Variants in RBFOX3 observed in about 807,000 individuals in gnomAD.
RBFOX3 encodes RNA binding fox-1 homolog 3.
Under a neutral mutation model 48.7 loss-of-function variants are expected in RBFOX3, and 17 were observed. The observed-to-expected ratio is 0.35, with a 90% CI of 0.24 to 0.52. The LOEUF (loss-of-function observed/expected upper bound fraction) is 0.52. RBFOX3 is among the 20% of genes least tolerant of loss of function. The probability of loss-of-function intolerance (pLI) is 0.94; values close to 1 mark genes in which losing one functional copy is unlikely to be tolerated. For synonymous variants in RBFOX3, 212 were observed against 209.5 expected (o/e 1.01, Z -0.10); for missense variants, 382 against 497.5 (o/e 0.77, Z 2.21).
intron 1 of RBFOX3, among the ~76,000 whole-genome samples, chr17:79,561,098 C>A (rs1183332455): frequency 5.3e-5 from 8 of 152,198 alleles, no homozygotes; most frequent in Non-Finnish European, 1.0e-4. Context: ...ATAGACCTTG[C>A]ACTACAGTGA....
chr17:79,282,429 C>T (rs550596221), intron 3 of RBFOX3, among the ~76,000 whole-genome samples: 15 of 152,290 alleles, frequency 9.8e-5, no homozygotes, highest in African/African-American at 3.6e-4. Flanking sequence ...TAATTTCATT[C>T]GGAATGAAAA....
At chr17:79,237,956 A>G (rs1472871482) in intron 3 of RBFOX3, among the ~76,000 whole-genome samples, 1 of 152,080 alleles carries the variant, frequency 6.6e-6, no homozygotes, top group Non-Finnish European at 1.5e-5. Context: ...TCTATTTTTG[A>G]GACAGACTCT....
chr17:79,541,568 G>A (rs1555790342), intron 1 of RBFOX3, among the ~76,000 whole-genome samples: 3 of 152,184 alleles, frequency 2.0e-5, no homozygotes, highest in South Asian at 2.1e-4. Context: ...CAAGAACAGC[G>A]GAAGGGACAC....
chr17:79,518,529 G>A (rs997196149), intron 1 of RBFOX3, among the ~76,000 whole-genome samples: 55 of 152,352 alleles, frequency 3.6e-4, no homozygotes, highest in Middle Eastern at 3.4e-3. Flanking sequence ...TCATACCCAC[G>A]TGGGGGAAAC....
At chr17:79,106,127 C>T (rs1392652221) in intron 6 of RBFOX3, among the ~76,000 whole-genome samples, 1 of 152,110 alleles carries the variant, frequency 6.6e-6, no homozygotes, top group Non-Finnish European at 1.5e-5. Flanking sequence ...AGTTCCCCAC[C>T]TGGGGGCCCG....
chr17:79,125,777 T>C (rs1442864071), intron 4 of RBFOX3, among the ~76,000 whole-genome samples: 7 of 152,112 alleles, frequency 4.6e-5, no homozygotes, highest in Admixed American at 1.3e-4. Context: ...GGAGTGAGGC[T>C]GGTGGCGAGG....
At chr17:79,144,036 G>A (rs56331879) in intron 4 of RBFOX3, among the ~76,000 whole-genome samples, 9,965 of 152,302 alleles carry the variant, frequency 0.065, 487 homozygotes, top group Non-Finnish European at 0.091. Context: ...AGCTCTGCCC[G>A]TGACACCCTC....
At chr17:79,282,082 T>C (rs531935948) in intron 3 of RBFOX3, among the ~76,000 whole-genome samples, 2 of 152,326 alleles carry the variant, frequency 1.3e-5, no homozygotes, top group African/African-American at 4.8e-5. Context: ...GCAGTTTTAT[T>C]TGCTTTTTGA....
intron 14 of RBFOX3, among the ~76,000 whole-genome samples, chr17:79,092,830 C>T (rs1263703414): frequency 6.6e-6 from 1 of 152,192 alleles, no homozygotes; most frequent in African/African-American, 2.4e-5. Flanking sequence ...CTGCCTCTGA[C>T]ATAGTGGTCT....
chr17:79,524,741 C>T (rs966771637), intron 1 of RBFOX3, among the ~76,000 whole-genome samples: 314 of 152,302 alleles, frequency 2.1e-3, no homozygotes, highest in Middle Eastern at 3.4e-3. Flanking sequence ...ATGGCTCTGC[C>T]GTGCAGCAGG....
At chr17:79,537,117 C>CAAAA (rs76938800) in intron 1 of RBFOX3, among the ~76,000 whole-genome samples, 1,810 of 127,584 alleles carry the variant, frequency 0.014, 20 homozygotes, top group Non-Finnish European at 0.023. Flanking sequence ...AAACAAAAAA[C>CAAAA]AAAAAAAAAA....
intron 9 of RBFOX3, 153 bp from the exon 10 acceptor site, chr17:79,097,898 G>C: frequency 1.4e-6 from 1 of 719,300 alleles, no homozygotes; most frequent in Non-Finnish European, 2.4e-6. Flanking sequence ...ACACTGCCCG[G>C]ACAAGTGCTG....
chr17:79,408,403 C>G (rs1207086359), intron 2 of RBFOX3, among the ~76,000 whole-genome samples: 1 of 152,132 alleles, frequency 6.6e-6, no homozygotes, highest in Non-Finnish European at 1.5e-5. Flanking sequence ...AGAACTTAAG[C>G]AGAAAAGGCT....
intron 2 of RBFOX3, among the ~76,000 whole-genome samples, chr17:79,405,985 G>C (rs1057306787): frequency 6.6e-6 from 1 of 152,186 alleles, no homozygotes; most frequent in African/African-American, 2.4e-5. Flanking sequence ...TGCTACATCA[G>C]GGTTTTGAGG....
At chr17:79,215,171 G>A (rs1328667279) in intron 4 of RBFOX3, among the ~76,000 whole-genome samples, 3 of 152,200 alleles carry the variant, frequency 2.0e-5, no homozygotes, top group African/African-American at 2.4e-5. Context: ...GTGGGAGGGA[G>A]GTGCTGGCCC....
intron 2 of RBFOX3, among the ~76,000 whole-genome samples, chr17:79,474,122 A>G (rs2077390946): frequency 6.8e-6 from 1 of 146,688 alleles, no homozygotes; most frequent in Admixed American, 6.8e-5. Context: ...TCAATGCAGA[A>G]AAAAAAAAAA....
intron 1 of RBFOX3, among the ~76,000 whole-genome samples, chr17:79,565,039 C>A (rs1203724040): frequency 0.014 from 1,606 of 113,504 alleles, no homozygotes; most frequent in Non-Finnish European, 0.016. Flanking sequence ...GACTCTGTCT[C>A]AAAAAAAAAA....
chr17:79,160,566 A>T (rs528205644), intron 4 of RBFOX3, among the ~76,000 whole-genome samples: 1 of 152,226 alleles, frequency 6.6e-6, no homozygotes, highest in South Asian at 2.1e-4. Context: ...TTCCCGGGGC[A>T]CCCCCATATC....
At chr17:79,319,029 A>T (rs544819114) in intron 2 of RBFOX3, among the ~76,000 whole-genome samples, 113 of 149,132 alleles carry the variant, frequency 7.6e-4, no homozygotes, top group African/African-American at 2.8e-3. Context: ...ACAATAATTA[A>T]AAAAAAAAAG....
Sources: gnomAD v4.1 joint callset for allele counts (sites outside exome capture counted in the v4.1 genomes callset) on GRCh38, gnomAD v4.1.1 for gene constraint, MANE v1.5 for transcripts, NCBI Gene and HGNC (gene_info 2026-07-23, HGNC 2026-07-21) for gene names.